Variants in VAMP4 observed in about 807,000 individuals in gnomAD.
The protein encoded by VAMP4 is vesicle associated membrane protein 4.
A neutral mutation model predicts 23.5 loss-of-function variants in VAMP4; 19 were observed. The observed-to-expected ratio is 0.81, with a 90% CI of 0.56 to 1.19. VAMP4 has a LOEUF of 1.19. Among genes scored for constraint, VAMP4 ranks in the 50% most tolerant of loss-of-function variants. The pLI, the probability that VAMP4 is intolerant of heterozygous loss-of-function variation, is 0.00. For synonymous variants in VAMP4, 31 were observed against 51.0 expected (o/e 0.61, Z 1.67); for missense variants, 145 against 168.6 (o/e 0.86, Z 0.78).
chr1:171,728,467 T>TA, intron 3 of VAMP4, 57 bp downstream of exon 3: 1 of 1,357,614 alleles, frequency 7.4e-7, no homozygotes, highest in South Asian at 1.4e-5. Flanking sequence ...ATATTTTAGA[T>TA]ATATGCATGT....
intron 4 of VAMP4, among the ~76,000 whole-genome samples, chr1:171,713,736 C>T (rs968651714): frequency 1.3e-5 from 2 of 151,920 alleles, no homozygotes; most frequent in African/African-American, 4.8e-5. Context: ...TGGGAGGCTG[C>T]GGTGGGAGAT....
At chr1:171,716,868 G>C (rs1023637029) in intron 4 of VAMP4, among the ~76,000 whole-genome samples, 2 of 152,204 alleles carry the variant, frequency 1.3e-5, no homozygotes, top group African/African-American at 4.8e-5. Flanking sequence ...TTTAATGCAT[G>C]CTTGATGAAC....
At chr1:171,738,496 G>A in intron 1 of VAMP4, 33 bp from the exon 2 acceptor site, 1 of 1,393,374 alleles carries the variant, frequency 7.2e-7, no homozygotes, top group Admixed American at 1.8e-5. Flanking sequence ...TCAGATTTGA[G>A]ACTTTGGGGC....
intron 2 of VAMP4, among the ~76,000 whole-genome samples, chr1:171,734,808 G>A (rs2124869236): frequency 6.6e-6 from 1 of 152,138 alleles, no homozygotes; most frequent in East Asian, 1.9e-4. Flanking sequence ...AATCAATGAA[G>A]AATATAAGGA....
intron 6 of VAMP4, among the ~76,000 whole-genome samples, chr1:171,709,361 C>T (rs550495521): frequency 6.6e-6 from 1 of 151,938 alleles, no homozygotes; most frequent in East Asian, 1.9e-4. Flanking sequence ...TAGTAAATTT[C>T]AAGAAAAAAT....
intron 4 of VAMP4, among the ~76,000 whole-genome samples, chr1:171,715,493 G>A (rs953962387): frequency 1.4e-4 from 21 of 152,036 alleles, no homozygotes; most frequent in Middle Eastern, 3.2e-3. Flanking sequence ...CCCTTACTAC[G>A]TATGTGACTT....
chr1:171,736,775 G>C (rs1015166776), intron 2 of VAMP4, among the ~76,000 whole-genome samples: 2 of 152,166 alleles, frequency 1.3e-5, no homozygotes, highest in Non-Finnish European at 2.9e-5. Flanking sequence ...TCAGGAATTT[G>C]AGACCAGCCT....
At chr1:171,738,311 G>C in intron 2 of VAMP4, 38 bp downstream of exon 2, 1 of 1,603,714 alleles carries the variant, frequency 6.2e-7, no homozygotes, top group East Asian at 2.2e-5. Context: ...AACATATTTT[G>C]AATCTTTTGT....
intron 3 of VAMP4, among the ~76,000 whole-genome samples, chr1:171,721,903 AC>A (rs1180654189): frequency 1.3e-5 from 2 of 152,224 alleles, no homozygotes; most frequent in East Asian, 3.8e-4. Flanking sequence ...GGAAAAAACT[AC>A]TTTAAAGTTC....
At chr1:171,713,818 G>A (rs1654930686) in intron 4 of VAMP4, among the ~76,000 whole-genome samples, 1 of 152,060 alleles carries the variant, frequency 6.6e-6, no homozygotes, top group Admixed American at 6.6e-5. Flanking sequence ...TAGCAATAGA[G>A]ATCTGTCTCA....
At chr1:171,726,649 A>C (rs2124860088) in intron 3 of VAMP4, among the ~76,000 whole-genome samples, 1 of 152,320 alleles carries the variant, frequency 6.6e-6, no homozygotes, top group South Asian at 2.1e-4. Flanking sequence ...AAATATATAC[A>C]AAAATTAACT....
intron 2 of VAMP4, among the ~76,000 whole-genome samples, chr1:171,734,267 CA>C (rs35870022): frequency 1.5e-3 from 123 of 79,618 alleles, no homozygotes; most frequent in South Asian, 3.0e-3. Context: ...GACTCCGTCT[CA>C]AAAAAAAAAA....
chr1:171,729,940 T>C (rs1416476503), intron 2 of VAMP4, among the ~76,000 whole-genome samples: 1 of 151,906 alleles, frequency 6.6e-6, no homozygotes, highest in African/African-American at 2.4e-5. Flanking sequence ...ATGGGCCCCA[T>C]GCAGAGTGAG....
intron 1 of VAMP4, among the ~76,000 whole-genome samples, chr1:171,740,769 G>A (rs1252833188): frequency 6.6e-6 from 1 of 152,046 alleles, no homozygotes; most frequent in African/African-American, 2.4e-5. Context: ...AGCAAACAAC[G>A]GGCAGACTTA....
chr1:171,704,959 T>C (rs1271401909), intron 7 of VAMP4, among the ~76,000 whole-genome samples: 1 of 152,088 alleles, frequency 6.6e-6, no homozygotes, highest in Non-Finnish European at 1.5e-5. Context: ...TATAGTTGAA[T>C]TTTTCTTCTT....
At position 171,703,451 on chromosome 1, in the gene VAMP4, A is replaced by ATGTATATATATATATATG. The variant is rs1369728349; in HGVS notation, c.*1054_*1055insCATATATATATATATACA. On this transcript the variant is annotated 3_prime_UTR_variant, in exon 8 of 8. Transcript: ENST00000236192. ...TATATATATATATATATATATATAT[A>ATGTATATATATATATATG]TATATATATATATATATACACATAG... is the stretch of plus-strand genomic sequence containing the variant. The ATGTATATATATATATATG allele has an allele frequency of 8.8e-6, 1 of 113,578 alleles. No homozygotes were observed. Among genetic ancestry groups the ATGTATATATATATATATG allele is most frequent in the Non-Finnish European group, 1.8e-5 (1 of 54,876 alleles). 7.0% of individuals were successfully genotyped at this position (113,578 alleles called of 1,614,324 possible).
intron 3 of VAMP4, among the ~76,000 whole-genome samples, chr1:171,720,576 A>G (rs1191418476): frequency 2.6e-5 from 4 of 152,178 alleles, no homozygotes; most frequent in East Asian, 3.9e-4. Flanking sequence ...CCATGGTTAT[A>G]TAAGATTTAT....
chr1:171,716,963 C>G (rs929758761), intron 4 of VAMP4, among the ~76,000 whole-genome samples: 3 of 152,214 alleles, frequency 2.0e-5, no homozygotes, highest in Admixed American at 6.5e-5. Flanking sequence ...TTCTAAAATT[C>G]TGTGATCACC....
intron 4 of VAMP4, among the ~76,000 whole-genome samples, chr1:171,711,855 C>T (rs1654857945): frequency 6.6e-6 from 1 of 152,148 alleles, no homozygotes; most frequent in East Asian, 1.9e-4. Context: ...AGCACTTTTA[C>T]AACACTGGTC....
Sources: allele counts gnomAD v4.1 joint callset (sites outside exome capture counted in the v4.1 genomes callset), GRCh38; gene constraint gnomAD v4.1.1; transcripts MANE v1.5; gene names NCBI Gene and HGNC (gene_info 2026-07-23, HGNC 2026-07-21).